The following CARTPT variants were observed in gnomAD, a reference collection of about 807,000 sequenced individuals.
The protein encoded by CARTPT is CART prepropeptide.
CARTPT carries 6 observed loss-of-function variants against 12.2 expected under a neutral mutation model. The ratio of observed to expected loss-of-function variants is 0.49; its 90% confidence interval spans 0.27 to 0.97. The LOEUF is 0.97. Among genes scored for constraint, CARTPT ranks in the 50% least tolerant of loss-of-function variants. The pLI is 0.12. For missense variants in CARTPT, 135 were observed against 142.0 expected (o/e 0.95, Z 0.25); for synonymous variants, 75 against 64.1 (o/e 1.17, Z -0.82).
At chr5:71,719,566 C>G in intron 1 of CARTPT, 114 bp downstream of exon 1, 1 of 1,294,438 alleles carries the variant, frequency 7.7e-7, no homozygotes, top group South Asian at 1.2e-5. Context: ...GCGCGGGGAG[C>G]TGAGCGCAAC....
Position 71,719,371 on chromosome 5 carries a change from T to C in CARTPT, c.78T>C (p.Arg26=). 6.2e-7 allele frequency: 1 copy of C among 1,614,042 alleles called. No homozygotes were observed. ...LLLMLPLLGT[R]AQEDAELQPR... is the part of the protein sequence containing the mutation. Reference sequence around the variant, plus strand: ...TGATGCTACCTCTGTTGGGTACCCGTGCCCAGGAGGACGCCGAGCTCCAGC... The same window carrying C: ...TGATGCTACCTCTGTTGGGTACCCGCGCCCAGGAGGACGCCGAGCTCCAGC... The change falls in exon 1 of 3, where the codon CGT becomes CGC. Residue 26 remains arginine (R), a synonymous_variant. Coordinates refer to ENST00000296777, the MANE Select transcript of CARTPT (RefSeq NM_004291.4).
Position 71,719,962 on chromosome 5 carries a change from T to A in CARTPT, c.242T>A (p.Met81Lys). Residue 81 changes from methionine to lysine, a missense_variant and splice_region_variant, in exon 2 of 3, where the codon ATG becomes AAG. Met to Lys is a moderately conservative substitution (Grantham distance 95). Coordinates refer to ENST00000296777, the MANE Select transcript of CARTPT (RefSeq NM_004291.4). ...IYEKKYGQVP[M>K]CDAGEQCAVR... is the part of the protein sequence containing the mutation. Reference sequence around the variant, plus strand: ...GAGAAGAAGTATGGCCAAGTCCCCATGGTAAGGTTTGTGGTCACTCCCTTC... The same window carrying A: ...GAGAAGAAGTATGGCCAAGTCCCCAAGGTAAGGTTTGTGGTCACTCCCTTC... 3.7e-6 allele frequency: 6 copies of A among 1,613,856 alleles called. No individual in the cohort carries two copies. The South Asian group carries it at 6.6e-5, about 18-fold the overall frequency.
Position 71,720,902 on chromosome 5 carries a change from G to T in CARTPT, c.*287G>T. 1 of 398,512 alleles carries T rather than the reference G, an allele frequency of 2.5e-6. No individual in the cohort carries two copies. The allele number at this position is 398,512 out of a possible 1,614,324, so 24.7% of individuals were successfully genotyped here. A position where few individuals can be genotyped will look rare whatever the true frequency, so the allele number is the denominator to read the frequency against. On this transcript the variant is annotated 3_prime_UTR_variant, in exon 3 of 3. Transcript: ENST00000296777. Reference sequence around the variant, plus strand: ...AGAAGGGAAGCTTTGTTTGAAAATTGTATTTTTGTATGTGGCATGGCAGAA... The same window carrying T: ...AGAAGGGAAGCTTTGTTTGAAAATTTTATTTTTGTATGTGGCATGGCAGAA...
chr5:71,719,986 T>C (rs1561186143), intron 2 of CARTPT, 23 bp downstream of exon 2: 2 of 1,599,718 alleles, frequency 1.3e-6, no homozygotes, highest in Non-Finnish European at 8.6e-7. Flanking sequence ...GTCACTCCCT[T>C]CCCGTGTTTT....
rs377176695 is a variant in CARTPT, at chr5:71,720,801, C to T, written c.*186C>T. ...AGATGTTACTGTGTGAAGAATAATG[C>T]CTTGTATGGTGTTGATACGTGTGTG... On this transcript the variant is annotated 3_prime_UTR_variant, in exon 3 of 3. Transcript: ENST00000296777. 1.6e-6 allele frequency: 1 copy of T among 627,774 alleles called. No homozygotes were observed. The highest frequency in any genetic ancestry group is 2.9e-6 in the Non-Finnish European group (1 of 349,388). The allele number at this position is 627,774 out of a possible 1,614,324, so 38.9% of individuals were successfully genotyped here. A position where few individuals can be genotyped will look rare whatever the true frequency, so the allele number is the denominator to read the frequency against.
rs1321175183 is a variant in CARTPT, at chr5:71,720,388, G to T, written c.244-120G>T. ...AGATCTGACTGTACGTAGACCTCTT[G>T]TGATGGTGATGGGGTCCAATTGCCC... On this transcript the variant is annotated intron_variant, in intron 2 of 2. Coordinates refer to ENST00000296777, the MANE Select transcript of CARTPT (RefSeq NM_004291.4). The T allele has an allele frequency of 7.4e-6, 6 of 811,336 alleles. No individual in the cohort carries two copies. The Admixed American group carries it at 8.0e-5, about 11-fold the overall frequency. 50.3% of individuals were successfully genotyped at this position (811,336 alleles called of 1,614,324 possible). A position where few individuals can be genotyped will look rare whatever the true frequency, so the allele number is the denominator to read the frequency against.
At chr5:71,719,512 G>C in intron 1 of CARTPT, 60 bp downstream of exon 1, 2 of 1,587,742 alleles carry the variant, frequency 1.3e-6, no homozygotes, top group Non-Finnish European at 1.7e-6. Flanking sequence ...TCTCTTGCAC[G>C]CCTCCCTCCT....
intron 2 of CARTPT, 42 bp downstream of exon 2, chr5:71,720,005 A>G (rs764177215): frequency 2.6e-6 from 4 of 1,516,824 alleles, no homozygotes; most frequent in South Asian, 1.1e-5. Flanking sequence ...TTTCCAAGAG[A>G]AAGTACACCG....
Position 71,719,882 on chromosome 5 carries a change from C to G in CARTPT, c.162C>G (p.Ile54Met), listed in dbSNP as rs74766242. 4.7e-4 allele frequency: 756 copies of G among 1,614,160 alleles called. 12 individuals are homozygous for G. The South Asian group carries it at 5.6e-3, about 12-fold the overall frequency. Residue 54 changes from isoleucine to methionine, a missense_variant and splice_region_variant, in exon 2 of 3, where the codon ATC (isoleucine) becomes ATG (methionine). Physicochemically the swap from Ile to Met is conservative, Grantham distance 10 (BLOSUM62 1). Coordinates refer to ENST00000296777, the MANE Select transcript of CARTPT (RefSeq NM_004291.4). ...GGCTCCGAAGCGGTGTGTTGCAGAT[C>G]GAAGCGCTGCAAGAAGTCTTGAAGA... ...VDDASHEKEL[I>M]EALQEVLKKL...
chr5:71,719,965 T>C lies in CARTPT; in HGVS notation c.243+2T>C. On this transcript the variant is annotated splice_donor_variant, in intron 2 of 2. Coordinates refer to ENST00000296777, the MANE Select transcript of CARTPT (RefSeq NM_004291.4). LOFTEE classifies it high-confidence loss of function. ...AAGAAGTATGGCCAAGTCCCCATGG[T>C]AAGGTTTGTGGTCACTCCCTTCCCG... 6.2e-7 allele frequency: 1 copy of C among 1,613,328 alleles called. No individual in the cohort carries two copies. The highest frequency in any genetic ancestry group is 1.3e-5 in the African/African-American group (1 of 75,024).
intron 2 of CARTPT, 24 bp downstream of exon 2, chr5:71,719,987 C>T (rs1268248071): frequency 1.3e-6 from 2 of 1,597,902 alleles, no homozygotes; most frequent in East Asian, 2.2e-5. Context: ...TCACTCCCTT[C>T]CCGTGTTTTT....
intron 1 of CARTPT, 100 bp from the exon 2 acceptor site, chr5:71,719,780 T>C: frequency 9.2e-7 from 1 of 1,082,242 alleles, no homozygotes; most frequent in East Asian, 2.4e-5. Context: ...GCAGAGTGCG[T>C]GTGGGTCCGG....
intron 1 of CARTPT, 43 bp from the exon 2 acceptor site, chr5:71,719,837 C>T (rs778433834): frequency 3.4e-5 from 54 of 1,596,830 alleles, no homozygotes; most frequent in Non-Finnish European, 4.6e-5. Context: ...GCTGGGCTCG[C>T]AGCCAAGGCG....
rs1215263145 is a variant in CARTPT at position 71,719,335 on chromosome 5, C to T, written c.42C>T (p.Ala14=). ...TGAGGCTGCTGCCCCTCCTGGGCGC[C>T]GCCCTGCTGCTGATGCTACCTCTGT... ...SRVRLLPLLG[A]ALLLMLPLLG... The change falls in exon 1 of 3, where the codon GCC becomes GCT. Residue 14 remains alanine, a synonymous_variant. Coordinates refer to ENST00000296777, the MANE Select transcript of CARTPT (RefSeq NM_004291.4). The T allele has an allele frequency of 1.4e-5, 23 of 1,613,716 alleles. No individual in the cohort carries two copies. Among genetic ancestry groups the T allele is most frequent in the Non-Finnish European group, 1.9e-5 (23 of 1,180,028 alleles).
Position 71,720,542 on chromosome 5 carries a change from G to C in CARTPT, c.278G>C (p.Gly93Ala). ...DAGEQCAVRK[G>A]ARIGKLCDCP... The stretch of plus-strand genomic sequence containing the variant: ...GGTGAGCAGTGTGCAGTGAGGAAAG[G>C]GGCAAGGATCGGGAAGCTGTGTGAC... The change falls in exon 3 of 3, where the codon GGG becomes GCG. Residue 93 changes from glycine (G) to alanine (A), a missense_variant. By Grantham distance (60) the Gly-to-Ala change is moderately conservative (BLOSUM62 0). Coordinates refer to ENST00000296777, the MANE Select transcript of CARTPT (RefSeq NM_004291.4). The C allele has an allele frequency of 6.2e-7, 1 of 1,613,314 alleles. No homozygotes were observed. Among genetic ancestry groups the C allele is most frequent in the African/African-American group, 1.3e-5 (1 of 75,032 alleles).
intron 2 of CARTPT, 44 bp from the exon 3 acceptor site, chr5:71,720,464 C>T (rs1263032352): frequency 6.4e-7 from 1 of 1,553,718 alleles, no homozygotes; most frequent in Non-Finnish European, 8.8e-7. Context: ...TGTTGGGAAC[C>T]TGGGTTTGTT....
rs1446019478 is a variant in CARTPT, at chr5:71,720,974, A to G, written c.*359A>G. 3.4e-6 allele frequency: 1 copy of G among 291,348 alleles called. No individual in the cohort carries two copies. The highest frequency in any genetic ancestry group is 8.3e-5 in the East Asian group (1 of 12,040). The allele number at this position is 291,348 out of a possible 1,614,324, so 18.0% of individuals were successfully genotyped here. ...CTCGGTAGATGTCATTACAACCTGG[A>G]AAATAAATCACCCTAAGTGACACAA... On this transcript the variant is annotated 3_prime_UTR_variant, in exon 3 of 3. Transcript: ENST00000296777.
Position 71,720,935 on chromosome 5 carries a change from T to G in CARTPT, c.*320T>G. ...GTATGTGGCATGGCAGAATGAAAAT[T>G]AGATCTAGCTAATCTCGGTAGATGT... On this transcript the variant is annotated 3_prime_UTR_variant, in exon 3 of 3. Transcript: ENST00000296777. 2.8e-6 allele frequency: 1 copy of G among 353,120 alleles called. No homozygotes were observed. Among genetic ancestry groups the G allele is most frequent in the South Asian group, 2.7e-5 (1 of 37,442 alleles). 21.9% of individuals were successfully genotyped at this position (353,120 alleles called of 1,614,324 possible). A position where few individuals can be genotyped will look rare whatever the true frequency, so the allele number is the denominator to read the frequency against.
chr5:71,720,041 C>T, intron 2 of CARTPT, 78 bp downstream of exon 2: 4 of 1,267,342 alleles, frequency 3.2e-6, no homozygotes, highest in East Asian at 2.3e-5. Context: ...ACAGTCTTCT[C>T]CGTAGGATGT....
Sources: gnomAD v4.1 joint callset for allele counts on GRCh38, gnomAD v4.1.1 for gene constraint, MANE v1.5 for transcripts, NCBI Gene and HGNC (gene_info 2026-07-23, HGNC 2026-07-21) for gene names.